Variants in FOCAD observed in about 807,000 individuals in gnomAD.
FOCAD encodes focadhesin.
FOCAD carries 198 observed loss-of-function variants against 225.6 expected under a neutral mutation model. The observed-to-expected ratio is 0.88, with a 90% CI of 0.78 to 0.99. FOCAD has a LOEUF of 0.99. FOCAD is among the 50% of genes least tolerant of loss of function. FOCAD has a pLI of 0.00. For synonymous variants in FOCAD, 897 were observed against 755.0 expected (o/e 1.19, Z -3.08); for missense variants, 2,713 against 2,123.6 (o/e 1.28, Z -5.46).
intron 28 of FOCAD, among the ~76,000 whole-genome samples, chr9:20,938,752 A>G (rs1419695135): frequency 1.3e-5 from 2 of 152,128 alleles, no homozygotes; most frequent in African/African-American, 4.8e-5. Context: ...GATTGTAGAT[A>G]TATTAAAAAA....
intron 15 of FOCAD, among the ~76,000 whole-genome samples, chr9:20,862,236 C>T (rs1828836674): frequency 6.6e-6 from 1 of 151,720 alleles, no homozygotes; most frequent in Non-Finnish European, 1.5e-5. Context: ...TGCTTTGTTT[C>T]AGGGGCTGAT....
At chr9:20,766,917 T>C (rs1044715400) in intron 7 of FOCAD, among the ~76,000 whole-genome samples, 2 of 152,050 alleles carry the variant, frequency 1.3e-5, no homozygotes, top group Non-Finnish European at 2.9e-5. Flanking sequence ...GCTGGTGCAC[T>C]GCACCCACTA....
At chr9:20,746,458 C>T (rs140062709) in intron 5 of FOCAD, among the ~76,000 whole-genome samples, 334 of 152,198 alleles carry the variant, frequency 2.2e-3, no homozygotes, top group African/African-American at 7.8e-3. Flanking sequence ...TCATTAAAAA[C>T]ATTTCTTTTT....
At chr9:20,679,967 C>T (rs979388232), upstream of FOCAD, among the ~76,000 whole-genome samples, 20 of 152,312 alleles carry the variant, frequency 1.3e-4, no homozygotes, top group Middle Eastern at 3.4e-3. Context: ...ATTCCTCAGG[C>T]TGAAAGTCAG....
In FOCAD at chr9:20,795,701, G is replaced by A. The variant is rs539681526; in HGVS notation, c.1455+6093G>A. Among the ~76,000 whole-genome samples the A allele has an allele frequency of 2.8e-5, 4 of 145,428 alleles. No homozygotes were observed. The East Asian group carries it at 8.4e-4, about 31-fold the overall frequency. ...CGGGAGTCTGAGGCAGGAGAATGGC[G>A]TGAACCTGGGAGGCAGAGCTTACAG... is the stretch of plus-strand genomic sequence containing the variant. On this transcript the variant is annotated intron_variant, in intron 11 of 43. Coordinates refer to ENST00000338382, the MANE Select transcript of FOCAD (RefSeq NM_001375567.1).
At chr9:20,744,821 A>C (rs529841676) in intron 5 of FOCAD, among the ~76,000 whole-genome samples, 5 of 152,308 alleles carry the variant, frequency 3.3e-5, no homozygotes, top group East Asian at 3.9e-4. Context: ...CTCCTGACTG[A>C]ATGCTGACAA....
At chr9:20,862,812 G>A (rs1346183604) in intron 16 of FOCAD, 100 bp downstream of exon 16, 2 of 1,387,030 alleles carry the variant, frequency 1.4e-6, no homozygotes, top group South Asian at 1.5e-5. Context: ...TGTTGTTGTT[G>A]TTGTTGTTCT....
chr9:20,824,365 T>C (rs563191199), intron 15 of FOCAD, among the ~76,000 whole-genome samples: 1 of 152,244 alleles, frequency 6.6e-6, no homozygotes, highest in African/African-American at 2.4e-5. Context: ...TATTTCCTTT[T>C]CATTATTTTT....
chr9:20,678,745 A>G (rs1165781191), intron 2 of FOCAD, among the ~76,000 whole-genome samples: 1 of 152,134 alleles, frequency 6.6e-6, no homozygotes, highest in Non-Finnish European at 1.5e-5. Flanking sequence ...TGCCCCAAAC[A>G]CAGCTTCTTT....
At chr9:20,936,195 C>G (rs1835944924) in intron 28 of FOCAD, among the ~76,000 whole-genome samples, 2 of 152,190 alleles carry the variant, frequency 1.3e-5, no homozygotes, top group South Asian at 4.1e-4. Context: ...ATTATAAGCA[C>G]TAACTTCCAG....
At chr9:20,751,900 A>T (rs36156669) in intron 5 of FOCAD, among the ~76,000 whole-genome samples, 1 of 141,034 alleles carries the variant, frequency 7.1e-6, no homozygotes, top group Non-Finnish European at 1.6e-5. Context: ...GCATTTCTCT[A>T]AGGGCCAGTG....
chr9:20,831,236 C>T (rs1564045328), intron 15 of FOCAD, among the ~76,000 whole-genome samples: 1 of 152,008 alleles, frequency 6.6e-6, no homozygotes, highest in Non-Finnish European at 1.5e-5. Context: ...GGTTGGCAGC[C>T]TTTCAGCAGT....
chr9:20,888,169 T>G (rs1831285509), intron 21 of FOCAD, among the ~76,000 whole-genome samples: 1 of 148,310 alleles, frequency 6.7e-6, no homozygotes, highest in Non-Finnish European at 1.5e-5. Context: ...GATGGAGTCT[T>G]GCTCTGTTGC....
chr9:20,728,961 C>G (rs1450598994), intron 4 of FOCAD, among the ~76,000 whole-genome samples: 1 of 152,154 alleles, frequency 6.6e-6, no homozygotes, highest in Non-Finnish European at 1.5e-5. Context: ...TCTCTGCCTC[C>G]TAGTTCACAG....
chr9:20,799,774 A>G (rs1821579467), intron 11 of FOCAD, among the ~76,000 whole-genome samples: 1 of 152,092 alleles, frequency 6.6e-6, no homozygotes, highest in South Asian at 2.1e-4. Flanking sequence ...TGAGTACAGC[A>G]CACTGATGGT....
chr9:20,825,470 C>G (rs1207416307), intron 15 of FOCAD, among the ~76,000 whole-genome samples: 2 of 151,996 alleles, frequency 1.3e-5, no homozygotes, highest in African/African-American at 4.8e-5. Flanking sequence ...AATGATTTGT[C>G]TATCTGTTAC....
intron 15 of FOCAD, among the ~76,000 whole-genome samples, chr9:20,861,341 GA>G (rs373148177): frequency 1.3e-5 from 2 of 152,152 alleles, no homozygotes; most frequent in African/African-American, 4.8e-5. Flanking sequence ...AGCTTTTAGA[GA>G]ATTGGTTTGG....
At chr9:20,812,586 G>A (rs773873743) in intron 11 of FOCAD, among the ~76,000 whole-genome samples, 6 of 151,770 alleles carry the variant, frequency 4.0e-5, no homozygotes, top group African/African-American at 1.2e-4. Flanking sequence ...TCTCTCCTGC[G>A]TGTTTTTTTC....
At chr9:20,870,953 A>T (rs988487716) in intron 18 of FOCAD, among the ~76,000 whole-genome samples, 1 of 152,196 alleles carries the variant, frequency 6.6e-6, no homozygotes, top group African/African-American at 2.4e-5. Context: ...CTGTAATCCC[A>T]GCACTTTGGG....
Sources: allele counts gnomAD v4.1 joint callset (sites outside exome capture counted in the v4.1 genomes callset), GRCh38; gene constraint gnomAD v4.1.1; transcripts MANE v1.5; gene names NCBI Gene and HGNC (gene_info 2026-07-23, HGNC 2026-07-21).